The following ADARB2 variants were observed in gnomAD, a reference collection of about 807,000 sequenced individuals.
ADARB2 encodes the protein adenosine deaminase RNA specific B2 (inactive), also known as inactive double-stranded RNA-specific editase B2.
ADARB2 carries 25 observed loss-of-function variants against 62.2 expected under a neutral mutation model. The ratio of observed to expected loss-of-function variants is 0.40; its 90% CI spans 0.29 to 0.56. The LOEUF is 0.56. ADARB2 is among the 20% of genes least tolerant of loss of function. The pLI, the probability that ADARB2 is intolerant of heterozygous loss-of-function variation, is 0.43. For missense variants in ADARB2, 1,071 were observed against 1,077.4 expected, an observed-to-expected ratio of 0.99 and a Z score of 0.08; for synonymous variants, 572 against 500.8, an observed-to-expected ratio of 1.14 and a Z score of -1.90.
At position 1,262,766 on chromosome 10, in the gene ADARB2, T is replaced by C. The variant is rs566196987; in HGVS notation, c.1192+8189A>G. On this transcript the variant is annotated intron_variant, in intron 4 of 9. Coordinates refer to ENST00000381312, the MANE Select transcript of ADARB2 (RefSeq NM_018702.4). ...GAACTAGAAATACCATTTGACCCAG[T>C]CATCCCATTACTGGGTATATACCCA... Among the ~76,000 whole-genome samples the C allele has an allele frequency of 4.1e-4, 62 of 152,264 alleles. No homozygotes were observed. The East Asian group carries it at 6.9e-3, about 17-fold the overall frequency.
chr10:1,733,142 G>A (rs953152097), intron 1 of ADARB2, among the ~76,000 whole-genome samples: 1 of 152,156 alleles, frequency 6.6e-6, no homozygotes, highest in African/African-American at 2.4e-5. Flanking sequence ...ATCCTGCATG[G>A]CCAGTCACCC....
At chr10:1,186,097 C>A (rs929259389) in intron 8 of ADARB2, among the ~76,000 whole-genome samples, 3 of 152,244 alleles carry the variant, frequency 2.0e-5, no homozygotes, top group African/African-American at 7.2e-5. Flanking sequence ...GCAGCTGAGC[C>A]CCGCCAATTC....
At chr10:1,592,050 C>T (rs986601709) in intron 1 of ADARB2, among the ~76,000 whole-genome samples, 5 of 152,324 alleles carry the variant, frequency 3.3e-5, no homozygotes, top group Admixed American at 2.6e-4. Context: ...CCCTGGTTTT[C>T]CCCGGATTCT....
chr10:1,239,066 T>C (rs1403751217), intron 5 of ADARB2, among the ~76,000 whole-genome samples: 7 of 6,710 alleles, frequency 1.0e-3, no homozygotes, highest in Admixed American at 3.7e-3. Context: ...TTCACTCCCC[T>C]CTGCCTCCCG....
At chr10:1,548,037 C>T (rs917099508) in intron 1 of ADARB2, among the ~76,000 whole-genome samples, 35 of 151,858 alleles carry the variant, frequency 2.3e-4, no homozygotes, top group African/African-American at 8.2e-4. Context: ...TTCTGTTTTC[C>T]CTCTGGGAGG....
chr10:1,524,074 AT>A (rs1391788111), intron 1 of ADARB2, among the ~76,000 whole-genome samples: 5 of 151,924 alleles, frequency 3.3e-5, no homozygotes, highest in African/African-American at 1.2e-4. Context: ...AGATAGATAG[AT>A]AGATAGATAG....
chr10:1,193,023 C>T (rs1836863764), intron 8 of ADARB2, among the ~76,000 whole-genome samples: 2 of 152,232 alleles, frequency 1.3e-5, no homozygotes, highest in South Asian at 2.1e-4. Context: ...GGTGGCTTTT[C>T]CTCGCCTTCC....
chr10:1,224,266 T>C (rs1282363879), intron 6 of ADARB2, among the ~76,000 whole-genome samples: 6 of 152,224 alleles, frequency 3.9e-5, no homozygotes, highest in Non-Finnish European at 7.3e-5. Context: ...GGATCGGTGG[T>C]GATATCCCCT....
In ADARB2 at chr10:1,363,111, C is replaced by T; in HGVS notation, c.994G>A (p.Ala332Thr). ...AACAGCTCCTGCAGTGCGGCCTGCG[C>T]GGCCTGACCCCGGGCCAGCTTCTTG... ...RSKKLARGQA[A>T]QAALQELFDI... Residue 332 changes from alanine to threonine, a missense_variant, in exon 3 of 10, where the codon GCG becomes ACG. By Grantham distance (58) the Ala-to-Thr change is moderately conservative. Transcript: ENST00000381312. 1.3e-6 allele frequency: 2 copies of T among 1,535,376 alleles called. No individual in the cohort carries two copies. The highest frequency in any genetic ancestry group is 1.7e-6 in the Non-Finnish European group (2 of 1,149,808).
chr10:1,433,006 T>G (rs1315701721), intron 1 of ADARB2, among the ~76,000 whole-genome samples: 1 of 151,870 alleles, frequency 6.6e-6, no homozygotes, highest in Non-Finnish European at 1.5e-5. Flanking sequence ...TATACATCCT[T>G]AAAAAGAAAA....
At chr10:1,233,895 A>G in intron 5 of ADARB2, 50 bp from the exon 6 acceptor site, 2 of 1,576,714 alleles carry the variant, frequency 1.3e-6, no homozygotes, top group African/African-American at 1.4e-5. Context: ...CAAACCAGAA[A>G]TGTTCCAACC....
intron 1 of ADARB2, among the ~76,000 whole-genome samples, chr10:1,582,211 T>TTGGAGC (rs1833113324): frequency 1.3e-5 from 2 of 151,796 alleles, no homozygotes; most frequent in South Asian, 4.2e-4. Context: ...CCATTTGGAG[T>TTGGAGC]TGGAGTTGTC....
intron 5 of ADARB2, among the ~76,000 whole-genome samples, chr10:1,234,909 C>T (rs1348217093): frequency 1.3e-5 from 2 of 152,140 alleles, no homozygotes; most frequent in Admixed American, 6.5e-5. Flanking sequence ...CCACCATACC[C>T]AGCTAATTTT....
chr10:1,525,102 T>A (rs1371033888), intron 1 of ADARB2, among the ~76,000 whole-genome samples: 5 of 152,168 alleles, frequency 3.3e-5, no homozygotes, highest in Non-Finnish European at 5.9e-5. Context: ...ATCCTGAGTT[T>A]CATGCCAGGA....
intron 4 of ADARB2, among the ~76,000 whole-genome samples, chr10:1,257,280 C>CCTGAACCCA (rs1311844076): frequency 6.6e-6 from 1 of 152,184 alleles, no homozygotes; most frequent in Admixed American, 6.5e-5. Flanking sequence ...GGGAGGCCGC[C>CCTGAACCCA]CTGAACCCAC....
At chr10:1,724,256 C>T (rs1233393990) in intron 1 of ADARB2, among the ~76,000 whole-genome samples, 1 of 152,208 alleles carries the variant, frequency 6.6e-6, no homozygotes, top group Non-Finnish European at 1.5e-5. Context: ...CAGCTGCACC[C>T]ATCTCTGCAT....
chr10:1,497,469 A>G (rs898139763), intron 1 of ADARB2, among the ~76,000 whole-genome samples: 2 of 152,268 alleles, frequency 1.3e-5, no homozygotes, highest in Non-Finnish European at 2.9e-5. Context: ...TTTTAGAGAA[A>G]GAGCTTTTTG....
chr10:1,729,060 T>G (rs750710410), intron 1 of ADARB2, among the ~76,000 whole-genome samples: 1 of 152,232 alleles, frequency 6.6e-6, no homozygotes, highest in Non-Finnish European at 1.5e-5. Context: ...CCTTGAGCCA[T>G]GTATTTTGGA....
chr10:1,437,477 G>A (rs770594348), intron 1 of ADARB2, among the ~76,000 whole-genome samples: 5 of 152,282 alleles, frequency 3.3e-5, no homozygotes, highest in South Asian at 2.1e-4. Context: ...CAGCAGACAC[G>A]CAGCCACGGG....
Sources: gnomAD v4.1 joint callset for allele counts (sites outside exome capture counted in the v4.1 genomes callset) on GRCh38, gnomAD v4.1.1 for gene constraint, MANE v1.5 for transcripts, NCBI Gene and HGNC (gene_info 2026-07-23, HGNC 2026-07-21) for gene names.